Variants in TPD52 observed in about 807,000 individuals in gnomAD.
TPD52 encodes prostate and colon associated protein.
In TPD52, 17 loss-of-function variants were observed where a neutral mutation model predicts 31.3. The observed-to-expected ratio is 0.54, with a 90% CI of 0.37 to 0.82. The LOEUF (loss-of-function observed/expected upper bound fraction) is 0.82. Among genes scored for constraint, TPD52 ranks in the 40% least tolerant of loss-of-function variants. TPD52 has a pLI of 0.00. For missense variants in TPD52, 212 were observed against 240.1 expected, an observed-to-expected ratio of 0.88 and a Z score of 0.77; for synonymous variants, 83 against 89.6, an observed-to-expected ratio of 0.93 and a Z score of 0.42.
chr8:80,080,537 T>C, intron 1 of TPD52: 4 of 1,546,026 alleles, frequency 2.6e-6, no homozygotes, highest in East Asian at 2.3e-5. Flanking sequence ...ATTCCCTTTG[T>C]AGGGTGCAAC....
At chr8:80,110,366 T>A (rs1185276794) in intron 1 of TPD52, among the ~76,000 whole-genome samples, 1 of 151,858 alleles carries the variant, frequency 6.6e-6, no homozygotes, top group East Asian at 1.9e-4. Context: ...AAAATGAGAT[T>A]GACAACAAAA....
At chr8:80,149,298 G>A (rs1371217990) in intron 1 of TPD52, among the ~76,000 whole-genome samples, 2 of 152,118 alleles carry the variant, frequency 1.3e-5, no homozygotes, top group Admixed American at 6.5e-5. Flanking sequence ...CCGTTCCCCT[G>A]CACACGCTCT....
Position 80,053,316 on chromosome 8 carries a change from C to CAA in TPD52, c.248_249dup (p.Ala84LeufsTer8). 6.2e-7 allele frequency: 1 copy of CAA among 1,613,678 alleles called. No homozygotes were observed. The highest frequency in any genetic ancestry group is 1.1e-5 in the South Asian group (1 of 91,066). The stretch of plus-strand genomic sequence containing the variant: ...GCTGTCACGTCTTGCCACCCTTTGG[C>CAA]AATGTTCTGTTTTAGTTCCTGTAGA... On this transcript the variant is annotated frameshift_variant, in exon 3 of 8. Coordinates refer to ENST00000518937, the MANE Select transcript of TPD52 (RefSeq NM_001025253.3). LOFTEE classifies it high-confidence loss of function.
At chr8:80,052,790 G>A (rs1811499367) in intron 3 of TPD52, 3 of 476,058 alleles carry the variant, frequency 6.3e-6, no homozygotes, top group East Asian at 9.6e-5. Flanking sequence ...CTGAGACTAC[G>A]ACCTGAGAAT....
At chr8:80,050,640 A>C (rs984453460) in intron 4 of TPD52, among the ~76,000 whole-genome samples, 169 bp from the exon 5 acceptor site, 1 of 152,198 alleles carries the variant, frequency 6.6e-6, no homozygotes, top group Non-Finnish European at 1.5e-5. Flanking sequence ...CATAATTGTC[A>C]AAAGAGTTCA....
intron 1 of TPD52, among the ~76,000 whole-genome samples, chr8:80,098,895 T>A (rs975082923): frequency 1.3e-5 from 2 of 152,108 alleles, no homozygotes; most frequent in African/African-American, 4.8e-5. Context: ...CCCTGATCAG[T>A]CAGCAGCCAT....
At chr8:80,148,792 T>C (rs1037529549) in intron 1 of TPD52, among the ~76,000 whole-genome samples, 3 of 152,188 alleles carry the variant, frequency 2.0e-5, no homozygotes, top group Non-Finnish European at 2.9e-5. Context: ...CAAAAGCCCA[T>C]GCTTGAAGAC....
Position 80,064,609 on chromosome 8 carries a change from A to G in TPD52, c.20-16T>C. Reference sequence around the variant, plus strand: ...CTCAGCAGACCTGGTTGGGGATTTAAACCATTTTTTAAAGTGCAAAATCTA... The same window carrying G: ...CTCAGCAGACCTGGTTGGGGATTTAGACCATTTTTTAAAGTGCAAAATCTA... On this transcript the variant is annotated splice_polypyrimidine_tract_variant and intron_variant, in intron 1 of 7. Transcript: ENST00000518937. 1 of 1,606,088 alleles carries G rather than the reference A, an allele frequency of 6.2e-7. No homozygotes were observed. Among genetic ancestry groups the G allele is most frequent in the Non-Finnish European group, 8.5e-7 (1 of 1,172,758 alleles).
downstream of TPD52, among the ~76,000 whole-genome samples, chr8:80,032,133 A>C (rs895858621): frequency 7.0e-6 from 1 of 142,112 alleles, no homozygotes; most frequent in African/African-American, 2.9e-5. Context: ...AGCCTGGGTG[A>C]CAGAGCGAGA....
At chr8:80,059,516 A>C (rs1812272716) in intron 2 of TPD52, among the ~76,000 whole-genome samples, 1 of 152,168 alleles carries the variant, frequency 6.6e-6, no homozygotes, top group Non-Finnish European at 1.5e-5. Context: ...TAAAAGCAAT[A>C]ATTCATTCTT....
intron 1 of TPD52, among the ~76,000 whole-genome samples, chr8:80,112,135 AT>A (rs1343604670): frequency 1.3e-5 from 2 of 152,216 alleles, no homozygotes; most frequent in Non-Finnish European, 2.9e-5. Flanking sequence ...GAATTTGAAG[AT>A]TACTTGCCTC....
At chr8:80,100,212 G>A (rs1296121541) in intron 1 of TPD52, among the ~76,000 whole-genome samples, 2 of 152,180 alleles carry the variant, frequency 1.3e-5, no homozygotes, top group African/African-American at 4.8e-5. Flanking sequence ...AGGGGGCAAA[G>A]TGACACACAG....
At chr8:80,135,646 G>T (rs910610131) in intron 1 of TPD52, among the ~76,000 whole-genome samples, 15 of 150,564 alleles carry the variant, frequency 1.0e-4, no homozygotes, top group African/African-American at 3.2e-4. Context: ...ATACCCAAAG[G>T]ACTATAAATC....
intron 1 of TPD52, among the ~76,000 whole-genome samples, chr8:80,106,439 C>T (rs1042716348): frequency 5.9e-5 from 9 of 151,964 alleles, no homozygotes; most frequent in Admixed American, 4.6e-4. Context: ...TCACTGCAGG[C>T]TCCGCCTCCC....
intron 2 of TPD52, among the ~76,000 whole-genome samples, chr8:80,063,289 A>G (rs967931164): frequency 6.6e-6 from 1 of 152,234 alleles, no homozygotes; most frequent in Non-Finnish European, 1.5e-5. Flanking sequence ...AAAGAACCCA[A>G]ATACATAAGG....
chr8:80,158,551 T>G (rs542619284), intron 1 of TPD52: 2 of 152,282 alleles, frequency 1.3e-5, no homozygotes, highest in East Asian at 3.9e-4. Context: ...TATGTTTGTT[T>G]CTTCAGAATG....
At chr8:80,169,117 T>C (rs113159844) in intron 1 of TPD52, among the ~76,000 whole-genome samples, 3,303 of 152,294 alleles carry the variant, frequency 0.022, 124 homozygotes, top group African/African-American at 0.075. Context: ...CCTGAATAGC[T>C]GGGACTACAG....
At chr8:80,079,631 C>T (rs746886978) in intron 1 of TPD52, among the ~76,000 whole-genome samples, 6 of 152,198 alleles carry the variant, frequency 3.9e-5, no homozygotes, top group Admixed American at 6.5e-5. Context: ...GTCATTTAAC[C>T]AGTTCCCAGC....
intron 1 of TPD52, among the ~76,000 whole-genome samples, chr8:80,107,397 A>C (rs916532064): frequency 6.6e-6 from 1 of 152,216 alleles, no homozygotes; most frequent in African/African-American, 2.4e-5. Context: ...CTACAGGGTT[A>C]AGTAAGTTAG....
Sources: allele counts gnomAD v4.1 joint callset (sites outside exome capture counted in the v4.1 genomes callset), GRCh38; gene constraint gnomAD v4.1.1; transcripts MANE v1.5; gene names NCBI Gene and HGNC (gene_info 2026-07-23, HGNC 2026-07-21).